MYO1E: variants seen among roughly 807,000 people sequenced by gnomAD.
MYO1E encodes the protein unconventional myosin-Ie.
Under a neutral mutation model 151.1 loss-of-function variants are expected in MYO1E, and 68 were observed. That is an observed-to-expected ratio of 0.45 (90% confidence interval 0.37 to 0.55). The LOEUF is 0.55. Ranked by LOEUF, MYO1E falls within the 20% of genes least tolerant of loss-of-function variation. MYO1E has a pLI of 0.00. For synonymous variants in MYO1E, 601 were observed against 501.7 expected, an observed-to-expected ratio of 1.20 and a Z score of -2.64; for missense variants, 1,363 against 1,389.3, an observed-to-expected ratio of 0.98 and a Z score of 0.30.
At chr15:59,160,536 A>C (rs2079532562) in intron 24 of MYO1E, among the ~76,000 whole-genome samples, 1 of 151,490 alleles carries the variant, frequency 6.6e-6, no homozygotes, top group African/African-American at 2.4e-5. Context: ...CAGCCTCCGG[A>C]GTGGCTGGGA....
At chr15:59,226,686 A>G (rs1596374804) in intron 7 of MYO1E, among the ~76,000 whole-genome samples, 1 of 152,328 alleles carries the variant, frequency 6.6e-6, no homozygotes, top group East Asian at 1.9e-4. Flanking sequence ...ATGTGCCTAT[A>G]GTCCCAGCTA....
chr15:59,250,820 C>A (rs1004705282), intron 4 of MYO1E, among the ~76,000 whole-genome samples: 2 of 152,120 alleles, frequency 1.3e-5, no homozygotes, highest in African/African-American at 4.8e-5. Context: ...CAACAGAAAT[C>A]CTTGGGAGCA....
At chr15:59,157,413 T>C (rs1275187559) in intron 25 of MYO1E, among the ~76,000 whole-genome samples, 1 of 152,158 alleles carries the variant, frequency 6.6e-6, no homozygotes, top group Non-Finnish European at 1.5e-5. Context: ...CCCCTCCTTA[T>C]CCATGATTTT....
At chr15:59,279,849 C>T (rs751864880) in intron 1 of MYO1E, among the ~76,000 whole-genome samples, 1 of 152,320 alleles carries the variant, frequency 6.6e-6, no homozygotes, top group African/African-American at 2.4e-5. Context: ...TTTATATGCA[C>T]TATCTCTGTA....
intron 5 of MYO1E, among the ~76,000 whole-genome samples, chr15:59,234,912 A>C (rs1471811609): frequency 1.3e-5 from 2 of 152,096 alleles, no homozygotes; most frequent in African/African-American, 2.4e-5. Context: ...ATAACATTAC[A>C]TAATTCTGAT....
chr15:59,177,122 T>C (rs754580793), intron 19 of MYO1E, among the ~76,000 whole-genome samples: 3 of 152,208 alleles, frequency 2.0e-5, no homozygotes, highest in East Asian at 1.9e-4. Flanking sequence ...CATCCCATTT[T>C]AGAAAGAACA....
intron 3 of MYO1E, among the ~76,000 whole-genome samples, chr15:59,257,718 C>T (rs1268499228): frequency 6.6e-6 from 1 of 151,972 alleles, no homozygotes; most frequent in Non-Finnish European, 1.5e-5. Flanking sequence ...GCAGGGGGCT[C>T]ATAGGGGGAG....
intron 26 of MYO1E, among the ~76,000 whole-genome samples, chr15:59,145,205 C>A (rs2079434464): frequency 6.6e-6 from 1 of 152,102 alleles, no homozygotes. Context: ...GCAGGTGGAG[C>A]CCCCTACTCC....
At chr15:59,278,243 C>T (rs1173342038) in intron 1 of MYO1E, among the ~76,000 whole-genome samples, 1 of 152,172 alleles carries the variant, frequency 6.6e-6, no homozygotes, top group African/African-American at 2.4e-5. Flanking sequence ...TTTCAGAAAA[C>T]CTGGGACTAG....
intron 8 of MYO1E, 104 bp from the exon 9 acceptor site, chr15:59,223,295 A>G: frequency 1.5e-6 from 2 of 1,369,966 alleles, no homozygotes; most frequent in Non-Finnish European, 2.1e-6. Flanking sequence ...AGGATGTGAC[A>G]AGTACAGACG....
chr15:59,291,711 A>AAGAG (rs1555417405), intron 1 of MYO1E, among the ~76,000 whole-genome samples: 1 of 66,966 alleles, frequency 1.5e-5, no homozygotes, highest in African/African-American at 6.6e-5. Flanking sequence ...AAAAAAAAAA[A>AAGAG]AGAGAGAGAG....
At chr15:59,265,435 G>A (rs2080247509) in intron 2 of MYO1E, among the ~76,000 whole-genome samples, 2 of 152,132 alleles carry the variant, frequency 1.3e-5, no homozygotes, top group Non-Finnish European at 2.9e-5. Context: ...ATCTCATTAA[G>A]TCTTGATTTT....
Position 59,268,720 on chromosome 15 carries a change from ATTTTT to A in MYO1E, c.147+3581_147+3585del, listed in dbSNP as rs398027512. On this transcript the variant is annotated intron_variant, in intron 2 of 27. Transcript: ENST00000288235. ...GTGATGGGTTCTGGGTGACTTTGGT[ATTTTT>A]TTTTTTTTTTTTTTTTGCTTCACTG... Among the ~76,000 whole-genome samples, 80 of 44,918 alleles carry A rather than the reference ATTTTT, an allele frequency of 1.8e-3. 7 individuals carry two copies. Among genetic ancestry groups the A allele is most frequent in the Middle Eastern group, 0.019 (1 of 54 alleles). 29.5% of individuals were successfully genotyped at this position (44,918 alleles called of 152,430 possible).
chr15:59,231,361 T>A (rs1443232156), intron 6 of MYO1E, among the ~76,000 whole-genome samples: 1 of 152,214 alleles, frequency 6.6e-6, no homozygotes, highest in Non-Finnish European at 1.5e-5. Flanking sequence ...GATACCCCTC[T>A]ACTCTAGTTA....
At chr15:59,290,994 T>G (rs1424454005) in intron 1 of MYO1E, among the ~76,000 whole-genome samples, 1 of 152,148 alleles carries the variant, frequency 6.6e-6, no homozygotes, top group African/African-American at 2.4e-5. Flanking sequence ...CTCACACAAT[T>G]AAAGTACAAG....
intron 1 of MYO1E, among the ~76,000 whole-genome samples, chr15:59,298,638 A>C (rs1184826983): frequency 1.3e-5 from 2 of 152,132 alleles, no homozygotes; most frequent in Non-Finnish European, 2.9e-5. Flanking sequence ...CTCTTCCTTG[A>C]CTACAGTGGC....
At chr15:59,182,148 A>C (rs560648817) in intron 18 of MYO1E, among the ~76,000 whole-genome samples, 1 of 152,202 alleles carries the variant, frequency 6.6e-6, no homozygotes, top group Non-Finnish European at 1.5e-5. Context: ...TGGGGGATTG[A>C]AAATGTCCTT....
intron 10 of MYO1E, among the ~76,000 whole-genome samples, chr15:59,217,319 T>C (rs575675437): frequency 6.6e-6 from 1 of 152,218 alleles, no homozygotes; most frequent in Admixed American, 6.5e-5. Context: ...CTCCTCTTTT[T>C]CTGGTCTCTA....
At position 59,158,372 on chromosome 15, in the gene MYO1E, G is replaced by A. The variant is rs1345458796; in HGVS notation, c.2793C>T (p.Thr931=). The change falls in exon 25 of 28, where the codon ACC becomes ACT. Residue 931 remains threonine (T), a synonymous_variant. Transcript: ENST00000288235. ...CTGTATTTTGGGTAGTGTTCCTTCT[G>A]GTAGGACCTGAAATAAACAAGACAA... is the stretch of plus-strand genomic sequence containing the variant. The part of the protein sequence containing the change: ...GPGLPKNSRP[T]RRNTTQNTGY... 9.6e-6 allele frequency: 15 copies of A among 1,559,862 alleles called. No homozygotes were observed. The highest frequency in any genetic ancestry group is 1.9e-5 in the Admixed American group (1 of 53,048).
Sources: allele counts gnomAD v4.1 joint callset (sites outside exome capture counted in the v4.1 genomes callset), GRCh38; gene constraint gnomAD v4.1.1; transcripts MANE v1.5; gene names NCBI Gene and HGNC (gene_info 2026-07-23, HGNC 2026-07-21).